The following SLC11A2 variants were observed in gnomAD, a reference collection of about 807,000 sequenced individuals.
SLC11A2 encodes the protein natural resistance-associated macrophage protein 2.
SLC11A2 carries 38 observed loss-of-function variants against 68.0 expected under a neutral mutation model. That is an observed-to-expected ratio of 0.56 (90% CI 0.43 to 0.73). The LOEUF is 0.73. Ranked by LOEUF, SLC11A2 falls within the 30% of genes least tolerant of loss-of-function variation. The pLI is 0.00. For missense variants in SLC11A2, 517 were observed against 690.5 expected (o/e 0.75, Z 2.82); for synonymous variants, 242 against 250.6 (o/e 0.97, Z 0.32).
intron 1 of SLC11A2, among the ~76,000 whole-genome samples, chr12:51,013,553 T>G (rs1027225667): frequency 1.3e-5 from 2 of 151,712 alleles, no homozygotes; most frequent in African/African-American, 2.4e-5. Flanking sequence ...ATTAAGGCAC[T>G]GGAAAATCAG....
At chr12:50,971,297 C>T in the SLC11A2 span, among the ~76,000 whole-genome samples, 1 of 152,172 alleles carries the variant, frequency 6.6e-6, no homozygotes, top group Non-Finnish European at 1.5e-5. Flanking sequence ...ATAATGACAT[C>T]AGAGGAGAAT....
intron 1 of SLC11A2, among the ~76,000 whole-genome samples, chr12:51,016,370 A>G (rs1943651757): frequency 6.7e-6 from 1 of 149,798 alleles, no homozygotes; most frequent in African/African-American, 2.5e-5. Context: ...AATATGGTGA[A>G]ACCCCATCTC....
rs201248826 is a variant in SLC11A2 at position 50,995,790 on chromosome 12, A to G, written c.832-3T>C. 2.6e-3 allele frequency: 4,141 copies of G among 1,613,956 alleles called. 10 individuals carry two copies. Among genetic ancestry groups the G allele is most frequent in the Non-Finnish European group, 3.2e-3 (3,782 of 1,179,786 alleles). On this transcript the variant is annotated splice_region_variant and splice_polypyrimidine_tract_variant and intron_variant, in intron 9 of 15. Coordinates refer to ENST00000262052, the MANE Select transcript of SLC11A2 (RefSeq NM_000617.3). ...TTGTTCCGGTTTACCTGTCTAGACT[A>G]GAAAGATAACAACAGCAGTCACTTT...
chr12:50,983,303 CTAT>C (rs1940230068), downstream of SLC11A2, among the ~76,000 whole-genome samples: 1 of 152,126 alleles, frequency 6.6e-6, no homozygotes, highest in Non-Finnish European at 1.5e-5. Flanking sequence ...CATTTTAGCC[CTAT>C]TATTATTACG....
At chr12:51,019,808 C>A (rs1943915808) in intron 1 of SLC11A2, among the ~76,000 whole-genome samples, 1 of 151,072 alleles carries the variant, frequency 6.6e-6, no homozygotes, top group Admixed American at 6.6e-5. Flanking sequence ...CCATGCCCTG[C>A]CAATTTTTGT....
chr12:50,963,356 C>G, the SLC11A2 span, among the ~76,000 whole-genome samples: 1 of 84,488 alleles, frequency 1.2e-5, no homozygotes, highest in South Asian at 4.1e-4. Context: ...GGTGAAAGGG[C>G]AAGACTCCAT....
chr12:51,008,250 ATAGATAG>A, intron 3 of SLC11A2: 7 of 353,720 alleles, frequency 2.0e-5, no homozygotes, highest in Non-Finnish European at 3.2e-5. Context: ...AGATAGATAG[ATAGATAG>A]ATAGACGGAC....
chr12:50,966,005 A>T, the SLC11A2 span, among the ~76,000 whole-genome samples: 1 of 152,194 alleles, frequency 6.6e-6, no homozygotes, highest in Non-Finnish European at 1.5e-5. Flanking sequence ...GCTTCTGCCC[A>T]TAAGTTTCAG....
chr12:50,996,801 TA>T lies in SLC11A2; in HGVS notation c.831+15del. On this transcript the variant is annotated intron_variant, in intron 9 of 15. Coordinates refer to ENST00000262052, the MANE Select transcript of SLC11A2 (RefSeq NM_000617.3). ...TGAACTGTCTAGGAGGTGAAGGAGA[TA>T]AGGGCCTTGCTCACCTTGACTAAGG... The T allele has an allele frequency of 6.2e-7, 1 of 1,613,412 alleles. No individual in the cohort carries two copies. The highest frequency in any genetic ancestry group is 8.5e-7 in the Non-Finnish European group (1 of 1,179,384).
At chr12:50,976,899 C>T (rs909155075), downstream of SLC11A2, among the ~76,000 whole-genome samples, 6 of 152,050 alleles carry the variant, frequency 3.9e-5, no homozygotes, top group Admixed American at 3.9e-4. Context: ...TTCACAATTG[C>T]TTCAAAGAGA....
chr12:50,960,913 C>A, the SLC11A2 span: 1 of 1,470,634 alleles, frequency 6.8e-7, no homozygotes. Context: ...CTCCTGGTCT[C>A]ACACGATGCT....
intron 5 of SLC11A2, among the ~76,000 whole-genome samples, chr12:51,003,806 C>T (rs897971201): frequency 6.6e-6 from 1 of 150,474 alleles, no homozygotes; most frequent in African/African-American, 2.4e-5. Context: ...TGGGTGTGGT[C>T]GTGCTCGCCT....
intron 2 of SLC11A2, among the ~76,000 whole-genome samples, chr12:51,010,292 C>T (rs960143478): frequency 1.3e-5 from 2 of 151,856 alleles, no homozygotes; most frequent in African/African-American, 2.4e-5. Flanking sequence ...CTGAGACGGG[C>T]GGATCACTTG....
At chr12:51,007,628 C>A (rs957931763) in intron 3 of SLC11A2, among the ~76,000 whole-genome samples, 1 of 151,584 alleles carries the variant, frequency 6.6e-6, no homozygotes, top group Non-Finnish European at 1.5e-5. Context: ...AGCCACCGCG[C>A]CTGGCCTGTT....
chr12:51,010,513 CAA>C (rs369760115), intron 2 of SLC11A2, among the ~76,000 whole-genome samples, 180 bp downstream of exon 2: 1 of 133,374 alleles, frequency 7.5e-6, no homozygotes, highest in Admixed American at 7.6e-5. Flanking sequence ...GACTCCACCT[CAA>C]AAAAAAAAAA....
At chr12:51,021,977 A>G (rs1434975185) in intron 1 of SLC11A2, among the ~76,000 whole-genome samples, 2 of 152,166 alleles carry the variant, frequency 1.3e-5, no homozygotes, top group Non-Finnish European at 2.9e-5. Context: ...GCTGGTACCC[A>G]TTAAATACAA....
intron 1 of SLC11A2, among the ~76,000 whole-genome samples, chr12:51,022,811 G>A (rs1229826497): frequency 6.6e-6 from 1 of 152,080 alleles, no homozygotes; most frequent in Non-Finnish European, 1.5e-5. Context: ...ACAGCTATCA[G>A]CTTAGTAGAG....
At chr12:50,978,497 TG>T (rs1177173923), downstream of SLC11A2, among the ~76,000 whole-genome samples, 46 of 67,826 alleles carry the variant, frequency 6.8e-4, no homozygotes, top group South Asian at 0.011. Flanking sequence ...TGTTTTGGGG[TG>T]GGGGGAGGGG....
intron 11 of SLC11A2, among the ~76,000 whole-genome samples, chr12:50,993,593 A>AC (rs1565993212): frequency 6.6e-6 from 1 of 150,616 alleles, no homozygotes; most frequent in Admixed American, 6.6e-5. Flanking sequence ...TGGGAGGCCG[A>AC]GGGGGGGGTG....
Sources: allele counts gnomAD v4.1 joint callset (sites outside exome capture counted in the v4.1 genomes callset), GRCh38; gene constraint gnomAD v4.1.1; transcripts MANE v1.5; gene names NCBI Gene and HGNC (gene_info 2026-07-23, HGNC 2026-07-21).